RFPL1: variants seen among roughly 807,000 people sequenced by gnomAD.
RFPL1 encodes the protein ret finger protein-like 1.
RFPL1 carries 6 observed loss-of-function variants against 9.6 expected under a neutral mutation model. The observed-to-expected ratio is 0.62, with a 90% CI of 0.34 to 1.23. The LOEUF is 1.23. Among genes scored for constraint, RFPL1 ranks in the 50% most tolerant of loss-of-function variants. The pLI is 0.03. For synonymous variants in RFPL1, 145 were observed against 149.4 expected (o/e 0.97, Z 0.22); for missense variants, 352 against 398.4 (o/e 0.88, Z 0.99).
chr22:29,394,240 G>T, the RFPL1 span, among the ~76,000 whole-genome samples: 4 of 152,120 alleles, frequency 2.6e-5, no homozygotes, highest in Non-Finnish European at 5.9e-5. Flanking sequence ...TGCAAGCTCC[G>T]CCTCCTGGGT....
the RFPL1 span, chr22:29,432,969 T>C: frequency 6.6e-6 from 1 of 152,194 alleles, no homozygotes; most frequent in African/African-American, 2.4e-5. Flanking sequence ...AAGAAGCAAG[T>C]CGATGTGTCG....
At chr22:29,414,330 C>G in the RFPL1 span, among the ~76,000 whole-genome samples, 1 of 152,308 alleles carries the variant, frequency 6.6e-6, no homozygotes, top group Non-Finnish European at 1.5e-5. Context: ...TACCATAATA[C>G]ATGTTACACT....
At chr22:29,392,739 C>T in the RFPL1 span, among the ~76,000 whole-genome samples, 1 of 152,116 alleles carries the variant, frequency 6.6e-6, no homozygotes, top group African/African-American at 2.4e-5. Flanking sequence ...GAACATGTAG[C>T]GTGGCAGGTA....
At chr22:29,426,559 C>T in the RFPL1 span, among the ~76,000 whole-genome samples, 1 of 152,100 alleles carries the variant, frequency 6.6e-6, no homozygotes, top group Non-Finnish European at 1.5e-5. Context: ...GAAGACCAGC[C>T]TGACCAATAT....
the RFPL1 span, chr22:29,388,696 C>T: frequency 6.6e-6 from 1 of 152,324 alleles, no homozygotes; most frequent in East Asian, 1.9e-4. Flanking sequence ...ATTAACCCCT[C>T]GGCAGCCGCG....
At chr22:29,436,984 G>A (rs1212925195), upstream of RFPL1, 1 of 152,306 alleles carries the variant, frequency 6.6e-6, no homozygotes, top group Admixed American at 6.5e-5. Context: ...AAGATTCGGG[G>A]TTGATTCAAA....
At chr22:29,437,591 T>C (rs1368610082), upstream of RFPL1, 23 of 1,568,738 alleles carry the variant, frequency 1.5e-5, no homozygotes, top group South Asian at 1.7e-4. Context: ...AAAGCCTCAT[T>C]AGGTTAGAGG....
upstream of RFPL1, chr22:29,434,409 T>C (rs1044577803): frequency 1.3e-5 from 2 of 154,564 alleles, no homozygotes; most frequent in Non-Finnish European, 2.9e-5. Flanking sequence ...AAGTTTCTAT[T>C]TGCTGATTTA....
chr22:29,398,007 C>T, the RFPL1 span, among the ~76,000 whole-genome samples: 4 of 152,190 alleles, frequency 2.6e-5, no homozygotes, highest in Admixed American at 2.6e-4. Flanking sequence ...TCTCCCACAT[C>T]GAGCAGGGCA....
the RFPL1 span, among the ~76,000 whole-genome samples, chr22:29,414,737 G>A: frequency 1.3e-5 from 2 of 151,952 alleles, no homozygotes; most frequent in Non-Finnish European, 1.5e-5. Flanking sequence ...GAATTTTCAG[G>A]GGTTTATGTT....
At chr22:29,394,366 G>A in the RFPL1 span, among the ~76,000 whole-genome samples, 260 of 151,252 alleles carry the variant, frequency 1.7e-3, 1 homozygote, top group Middle Eastern at 0.021. Context: ...GTTTTGAGAC[G>A]GAGTCTCGCT....
At chr22:29,389,992 G>A in the RFPL1 span, among the ~76,000 whole-genome samples, 1 of 152,132 alleles carries the variant, frequency 6.6e-6, no homozygotes, top group South Asian at 2.1e-4. Flanking sequence ...AGAGGCGGGG[G>A]TTTCACCATG....
the RFPL1 span, among the ~76,000 whole-genome samples, chr22:29,393,714 T>C: frequency 6.6e-6 from 1 of 152,182 alleles, no homozygotes; most frequent in Non-Finnish European, 1.5e-5. Context: ...GGGCGCTGGC[T>C]TCCTCCCAAG....
At chr22:29,426,250 G>C in the RFPL1 span, among the ~76,000 whole-genome samples, 1 of 151,806 alleles carries the variant, frequency 6.6e-6, no homozygotes, top group Non-Finnish European at 1.5e-5. Context: ...TTGAATCCGG[G>C]AGATGAGGGT....
chr22:29,428,986 A>G, the RFPL1 span, among the ~76,000 whole-genome samples: 1 of 152,226 alleles, frequency 6.6e-6, no homozygotes, highest in African/African-American at 2.4e-5. Context: ...AGATAATAAA[A>G]GATCAGAGCA....
At chr22:29,402,337 T>A in the RFPL1 span, among the ~76,000 whole-genome samples, 1 of 152,232 alleles carries the variant, frequency 6.6e-6, no homozygotes, top group Non-Finnish European at 1.5e-5. Context: ...ATGAGGACAG[T>A]GGTTCTCAAT....
At chr22:29,396,897 CTTTTTTTT>C in the RFPL1 span, among the ~76,000 whole-genome samples, 3 of 72,582 alleles carry the variant, frequency 4.1e-5, no homozygotes, top group African/African-American at 6.8e-5. Context: ...CCTGAAACTT[CTTTTTTTT>C]TTTTTTTTTT....
chr22:29,426,270 C>T, the RFPL1 span, among the ~76,000 whole-genome samples: 1 of 151,568 alleles, frequency 6.6e-6, no homozygotes, highest in East Asian at 2.0e-4. Context: ...TTACGGAGAT[C>T]TGAGATCATG....
the RFPL1 span, among the ~76,000 whole-genome samples, chr22:29,405,319 C>T: frequency 6.6e-6 from 1 of 152,282 alleles, no homozygotes; most frequent in East Asian, 1.9e-4. Flanking sequence ...TCTTACATGG[C>T]AGGCCACCTC....
Sources: gnomAD v4.1 joint callset for allele counts (sites outside exome capture counted in the v4.1 genomes callset) on GRCh38, gnomAD v4.1.1 for gene constraint, MANE v1.5 for transcripts, NCBI Gene and HGNC (gene_info 2026-07-23, HGNC 2026-07-21) for gene names.